URB1: variants seen among roughly 807,000 people sequenced by gnomAD.
URB1 encodes URB1 ribosome biogenesis factor, also known as nucleolar pre-ribosomal-associated protein 1.
URB1 carries 197 observed loss-of-function variants against 242.3 expected under a neutral mutation model. That is an observed-to-expected ratio of 0.81 (90% CI 0.72 to 0.91). The LOEUF is 0.91. URB1 is among the 40% of genes least tolerant of loss of function. URB1 has a pLI of 0.00. For missense variants in URB1, 2,721 were observed against 2,860.5 expected, an observed-to-expected ratio of 0.95 and a Z score of 1.11; for synonymous variants, 1,153 against 1,201.8, an observed-to-expected ratio of 0.96 and a Z score of 0.84.
chr21:32,348,761 T>C (rs1436115458), intron 21 of URB1, among the ~76,000 whole-genome samples: 1 of 152,138 alleles, frequency 6.6e-6, no homozygotes, highest in Non-Finnish European at 1.5e-5. Flanking sequence ...AGAAAATACC[T>C]CCCAGAAAGG....
At chr21:32,373,812 T>C in intron 6 of URB1, 40 bp from the exon 7 acceptor site, 3 of 1,457,688 alleles carry the variant, frequency 2.1e-6, no homozygotes, top group Non-Finnish European at 1.8e-6. Flanking sequence ...AAACAAATTA[T>C]GAAAAAGTTC....
At position 32,338,850 on chromosome 21, in the gene URB1, T is replaced by C; in HGVS notation, c.4367A>G (p.Gln1456Arg). The C allele has an allele frequency of 6.4e-7, 1 of 1,551,464 alleles. No individual in the cohort carries two copies. The highest frequency in any genetic ancestry group is 1.2e-5 in the South Asian group (1 of 84,048). The change falls in exon 26 of 39, where the codon CAG becomes CGG. Residue 1456 changes from glutamine to arginine, a missense_variant. Coordinates refer to ENST00000382751, the MANE Select transcript of URB1 (RefSeq NM_014825.3). ...TFLKMLLTAV[Q>R]LLYSPESSVR... Reference sequence around the variant, plus strand: ...GGAGCTTTCTGGGCTGTACAGGAGCTGTACGGCGGTGAGGAGCATCTTTAA... The same window carrying C: ...GGAGCTTTCTGGGCTGTACAGGAGCCGTACGGCGGTGAGGAGCATCTTTAA...
intron 10 of URB1, among the ~76,000 whole-genome samples, chr21:32,364,631 C>T (rs1220653906): frequency 1.3e-5 from 2 of 152,244 alleles, no homozygotes; most frequent in Non-Finnish European, 2.9e-5. Flanking sequence ...CAAGCGTGCA[C>T]ACCACACCCA....
At position 32,315,035 on chromosome 21, in the gene URB1, G is replaced by A. The variant is rs987559024; in HGVS notation, c.6699C>T (p.Asp2233=). Residue 2233 remains aspartate (D), a synonymous_variant, in exon 39 of 39, where the codon GAC becomes GAT. Coordinates refer to ENST00000382751, the MANE Select transcript of URB1 (RefSeq NM_014825.3). ...CCATCCGGACGTGGGTTAAGAGGGT[G>A]TCCGGCCGCTGAGCCCCCAGCCAGA... ...KDIWLGAQRP[D]TLLTHVRMVC... The A allele has an allele frequency of 3.2e-6, 5 of 1,550,928 alleles. No homozygotes were observed. In the East Asian group the frequency reaches 7.3e-5, roughly 23 times the overall value.
intron 1 of URB1, among the ~76,000 whole-genome samples, chr21:32,388,097 C>T (rs939310629): frequency 1.8e-4 from 27 of 152,168 alleles, no homozygotes; most frequent in African/African-American, 5.6e-4. Flanking sequence ...CTGCCGGGGA[C>T]GCATGAGCAC....
At chr21:32,382,196 G>A (rs1313603869) in intron 4 of URB1, among the ~76,000 whole-genome samples, 5 of 152,142 alleles carry the variant, frequency 3.3e-5, no homozygotes, top group Non-Finnish European at 7.3e-5. Flanking sequence ...GATGGGTGGG[G>A]AGGGCATCTG....
chr21:32,313,078 G>A lies in URB1; in HGVS notation c.*1840C>T, dbSNP rs957268074. 2.3e-4 allele frequency: 35 copies of A among 152,238 alleles called. No individual in the cohort carries two copies. The highest frequency in any genetic ancestry group is 2.3e-3 in the Admixed American group (35 of 15,290). The allele number at this position is 152,238 out of a possible 1,614,324, so 9.4% of individuals were successfully genotyped here. A position where few individuals can be genotyped will look rare whatever the true frequency, so the allele number is the denominator to read the frequency against. On this transcript the variant is annotated 3_prime_UTR_variant, in exon 39 of 39. Transcript: ENST00000382751. The stretch of plus-strand genomic sequence containing the variant: ...AGGTGCTGAAAATGTGTCCTCACTT[G>A]ACTGAGCTGGAACTCGGCTTTGGAG...
intron 5 of URB1, among the ~76,000 whole-genome samples, chr21:32,376,021 G>A (rs1413540678): frequency 2.0e-5 from 3 of 152,110 alleles, no homozygotes; most frequent in Non-Finnish European, 2.9e-5. Flanking sequence ...ACCTACAAGC[G>A]AACCAATGAC....
chr21:32,345,280 G>T (rs1312427181), intron 23 of URB1, 94 bp downstream of exon 23: 43 of 1,347,470 alleles, frequency 3.2e-5, no homozygotes, highest in Admixed American at 2.1e-5. Context: ...GGGCACAACA[G>T]TAATGCAGCA....
chr21:32,329,120 T>C (rs2032864158), intron 30 of URB1, among the ~76,000 whole-genome samples: 4 of 151,390 alleles, frequency 2.6e-5, no homozygotes, highest in Admixed American at 2.6e-4. Flanking sequence ...AAAAAAAAAT[T>C]AGCTAGGCAT....
chr21:32,317,283 T>C (rs1238095180), intron 37 of URB1, among the ~76,000 whole-genome samples: 1 of 152,140 alleles, frequency 6.6e-6, no homozygotes. Context: ...CACCATGAGG[T>C]AGAAGCCATT....
At chr21:32,383,666 G>GA in intron 3 of URB1, 112 bp from the exon 4 acceptor site, 3 of 1,120,382 alleles carry the variant, frequency 2.7e-6, no homozygotes, top group Non-Finnish European at 2.3e-6. Flanking sequence ...CCCCAAACCA[G>GA]AAAAAAAGAA....
intron 26 of URB1, among the ~76,000 whole-genome samples, chr21:32,338,074 A>T (rs552928111): frequency 6.6e-6 from 1 of 152,198 alleles, no homozygotes; most frequent in East Asian, 1.9e-4. Context: ...GCTGTCTTCG[A>T]CTTATTAATA....
chr21:32,357,251 C>T (rs938208154), intron 15 of URB1, among the ~76,000 whole-genome samples: 1 of 149,138 alleles, frequency 6.7e-6, no homozygotes, highest in Non-Finnish European at 1.5e-5. Context: ...GAGGCACTGC[C>T]TAATAAACAC....
At chr21:32,374,646 T>C (rs1046303358) in intron 6 of URB1, among the ~76,000 whole-genome samples, 3 of 152,232 alleles carry the variant, frequency 2.0e-5, no homozygotes, top group Non-Finnish European at 2.9e-5. Context: ...TTAGGGTTTC[T>C]CAACCTCAGC....
chr21:32,351,016 T>C, intron 19 of URB1, 94 bp from the exon 20 acceptor site: 1 of 1,288,254 alleles, frequency 7.8e-7, no homozygotes, highest in Non-Finnish European at 1.1e-6. Flanking sequence ...AAACGGACAT[T>C]TCACAAAGAA....
intron 1 of URB1, among the ~76,000 whole-genome samples, chr21:32,388,604 G>A (rs973136449): frequency 2.6e-5 from 4 of 152,240 alleles, no homozygotes; most frequent in African/African-American, 9.6e-5. Flanking sequence ...CAGGCCATGG[G>A]TGTTCTGACC....
intron 30 of URB1, among the ~76,000 whole-genome samples, chr21:32,325,815 C>T (rs370709674): frequency 3.9e-5 from 6 of 152,082 alleles, no homozygotes; most frequent in South Asian, 2.1e-4. Flanking sequence ...TAAGCATCAC[C>T]GAGGAAAGCA....
intron 36 of URB1, among the ~76,000 whole-genome samples, chr21:32,318,222 G>A (rs901146203): frequency 2.0e-5 from 3 of 152,118 alleles, no homozygotes; most frequent in Admixed American, 6.5e-5. Flanking sequence ...GGTACCAAGA[G>A]CCTGCGAGGG....
Sources: gnomAD v4.1 joint callset for allele counts (sites outside exome capture counted in the v4.1 genomes callset) on GRCh38, gnomAD v4.1.1 for gene constraint, MANE v1.5 for transcripts, NCBI Gene and HGNC (gene_info 2026-07-23, HGNC 2026-07-21) for gene names.